PIK3CB: variants seen among roughly 807,000 people sequenced by gnomAD.
PIK3CB encodes phosphatidylinositol-4,5-bisphosphate 3-kinase catalytic subunit beta.
Under a neutral mutation model 136.8 loss-of-function variants are expected in PIK3CB, and 39 were observed. The observed-to-expected ratio is 0.29, with a 90% confidence interval of 0.22 to 0.37. The LOEUF (loss-of-function observed/expected upper bound fraction) is 0.37, where lower values mean the gene tolerates loss of function less well. Ranked by LOEUF, PIK3CB falls within the 10% of genes least tolerant of loss-of-function variation. The pLI, the probability that PIK3CB is intolerant of heterozygous loss-of-function variation, is 1.00. For missense variants in PIK3CB, 868 were observed against 1,275.4 expected (o/e 0.68, Z 4.87); for synonymous variants, 428 against 436.6 (o/e 0.98, Z 0.25).
chr3:138,674,952 G>A (rs1441762429), intron 19 of PIK3CB, among the ~76,000 whole-genome samples: 1 of 152,100 alleles, frequency 6.6e-6, no homozygotes, highest in Admixed American at 6.5e-5. Context: ...CCAGCTACTT[G>A]GGAGGCTGAG....
At chr3:138,681,940 G>GAAAA in intron 19 of PIK3CB, 27 bp downstream of exon 19, 5 of 1,155,438 alleles carry the variant, frequency 4.3e-6, no homozygotes, top group Admixed American at 2.5e-5. Context: ...ACATTAGACT[G>GAAAA]AAAAAAAAAA....
Position 138,782,842 on chromosome 3 carries a change from T to C in PIK3CB, c.-17+13621A>G, listed in dbSNP as rs78516562. ...AACTGTTCCACGAGTGAGAAATAAA[T>C]GTCTATTAAGTTTGGACCATTATTC... On this transcript the variant is annotated intron_variant, in intron 2 of 23. Coordinates refer to ENST00000674063, the MANE Select transcript of PIK3CB (RefSeq NM_006219.3). Among the ~76,000 whole-genome samples, 1,216 of 152,288 alleles carry C rather than the reference T, an allele frequency of 8.0e-3. 18 individuals are homozygous for C. The highest frequency in any genetic ancestry group is 0.028 in the African/African-American group (1,183 of 41,560).
intron 15 of PIK3CB, among the ~76,000 whole-genome samples, chr3:138,690,154 C>A (rs2043976762): frequency 6.6e-6 from 1 of 150,684 alleles, no homozygotes; most frequent in South Asian, 2.1e-4. Flanking sequence ...AATAAGAAAA[C>A]CATATTCAGA....
At chr3:138,784,318 G>C (rs953294057) in intron 2 of PIK3CB, among the ~76,000 whole-genome samples, 2 of 152,140 alleles carry the variant, frequency 1.3e-5, no homozygotes, top group African/African-American at 4.8e-5. Context: ...GGAAGCAGAG[G>C]TTGCAATGAG....
chr3:138,680,467 G>T (rs985317799), intron 19 of PIK3CB, among the ~76,000 whole-genome samples: 1 of 152,008 alleles, frequency 6.6e-6, no homozygotes, highest in Non-Finnish European at 1.5e-5. Context: ...AAACACTGAT[G>T]AACTGGACTA....
At chr3:138,656,016 T>C in intron 23 of PIK3CB, 126 bp downstream of exon 23, 5 of 928,858 alleles carry the variant, frequency 5.4e-6, no homozygotes, top group Non-Finnish European at 8.1e-6. Flanking sequence ...CTTTCCCTCC[T>C]GGCTAAGAAC....
At chr3:138,760,144 C>T (rs574361737) in intron 2 of PIK3CB, among the ~76,000 whole-genome samples, 2 of 152,084 alleles carry the variant, frequency 1.3e-5, no homozygotes, top group Admixed American at 1.3e-4. Context: ...AGGATGGTCT[C>T]GATCTCCTGA....
chr3:138,798,591 G>A (rs1455962479), intron 1 of PIK3CB, among the ~76,000 whole-genome samples: 2 of 152,174 alleles, frequency 1.3e-5, no homozygotes, highest in Non-Finnish European at 2.9e-5. Context: ...CAAGGTAGCT[G>A]AGGGATATAG....
intron 1 of PIK3CB, among the ~76,000 whole-genome samples, chr3:138,831,311 T>A (rs1366792897): frequency 2.1e-5 from 3 of 141,170 alleles, no homozygotes; most frequent in African/African-American, 7.8e-5. Flanking sequence ...TTAAAAATAG[T>A]GCTAGGCGCA....
In PIK3CB at chr3:138,822,918, T is replaced by C. The variant is rs1933625040; in HGVS notation, c.-122+11777A>G. Among the ~76,000 whole-genome samples, 3 of 145,432 alleles carry C rather than the reference T, an allele frequency of 2.1e-5. No individual in the cohort carries two copies. The South Asian group carries it at 6.4e-4, about 31-fold the overall frequency. Reference sequence around the variant, plus strand: ...TTATACATGAAATATATATATGAAATATACATGAAACATATATACGAAATA... The same window carrying C: ...TTATACATGAAATATATATATGAAACATACATGAAACATATATACGAAATA... On this transcript the variant is annotated intron_variant, in intron 1 of 23. Transcript: ENST00000674063.
In PIK3CB at chr3:138,751,145, A is replaced by T. The variant is rs374027679; in HGVS notation, c.397+4609T>A. 5.3e-5 allele frequency among the ~76,000 whole-genome samples: 8 copies of T among 152,312 alleles called. No homozygotes were observed. In the East Asian group the frequency reaches 1.2e-3, roughly 22 times the overall value. On this transcript the variant is annotated intron_variant, in intron 4 of 23. Coordinates refer to ENST00000674063, the MANE Select transcript of PIK3CB (RefSeq NM_006219.3). ...CTGATACAATCTAAATTTGGGAACCACCATAAAGATCTCTTAAATACAGAA... is the reference window on the plus strand; with the variant it reads ...CTGATACAATCTAAATTTGGGAACCTCCATAAAGATCTCTTAAATACAGAA...
intron 1 of PIK3CB, among the ~76,000 whole-genome samples, chr3:138,815,139 C>CAAA (rs71637082): frequency 1.6e-3 from 61 of 38,130 alleles, no homozygotes; most frequent in African/African-American, 2.6e-3. Flanking sequence ...GACTCCGTCT[C>CAAA]AAAAAAAAAA....
At chr3:138,740,288 G>A (rs150836236) in intron 5 of PIK3CB, among the ~76,000 whole-genome samples, 104 of 152,270 alleles carry the variant, frequency 6.8e-4, no homozygotes, top group African/African-American at 2.4e-3. Context: ...AACCTGAAAC[G>A]GGGCAGTTGC....
intron 1 of PIK3CB, among the ~76,000 whole-genome samples, chr3:138,804,764 C>T (rs545767675): frequency 8.5e-5 from 13 of 152,112 alleles, no homozygotes; most frequent in African/African-American, 3.1e-4. Flanking sequence ...GTGGCTCACA[C>T]CTGTAATCCC....
chr3:138,694,067 ACAG>A (rs2044083558), intron 14 of PIK3CB, among the ~76,000 whole-genome samples: 1 of 148,690 alleles, frequency 6.7e-6, no homozygotes, highest in Non-Finnish European at 1.5e-5. Context: ...AAGAGGTAAC[ACAG>A]CAGGCTTGGC....
chr3:138,681,490 C>G (rs12493155), intron 19 of PIK3CB, among the ~76,000 whole-genome samples: 1 of 151,792 alleles, frequency 6.6e-6, no homozygotes, highest in African/African-American at 2.4e-5. Context: ...TTCCTTTTTT[C>G]TGTCACGACA....
chr3:138,762,967 AC>A (rs759024533), intron 2 of PIK3CB, among the ~76,000 whole-genome samples: 15 of 152,078 alleles, frequency 9.9e-5, no homozygotes, highest in East Asian at 1.9e-4. Flanking sequence ...CTCAAAAAAA[AC>A]AAAACAACAA....
intron 19 of PIK3CB, among the ~76,000 whole-genome samples, chr3:138,670,592 T>C (rs2043513439): frequency 6.6e-6 from 1 of 152,244 alleles, no homozygotes; most frequent in South Asian, 2.1e-4. Context: ...CAAGTGGCTG[T>C]GTGCCAATAA....
At chr3:138,725,861 C>T (rs1399110621) in intron 8 of PIK3CB, among the ~76,000 whole-genome samples, 1 of 152,192 alleles carries the variant, frequency 6.6e-6, no homozygotes, top group African/African-American at 2.4e-5. Context: ...ATTGTCCACA[C>T]AACTTCAGAT....
Sources: allele counts gnomAD v4.1 joint callset (sites outside exome capture counted in the v4.1 genomes callset), GRCh38; gene constraint gnomAD v4.1.1; transcripts MANE v1.5; gene names NCBI Gene and HGNC (gene_info 2026-07-23, HGNC 2026-07-21).